The following FOXP2 variants were observed in gnomAD, a reference collection of about 807,000 sequenced individuals.
FOXP2 encodes the protein forkhead box P2.
FOXP2 carries 12 observed loss-of-function variants against 115.8 expected under a neutral mutation model. That is an observed-to-expected ratio of 0.10 (90% CI 0.07 to 0.17). FOXP2 has a LOEUF of 0.17. Among genes scored for constraint, FOXP2 ranks in the 10% least tolerant of loss-of-function variants. The pLI, the probability that FOXP2 is intolerant of heterozygous loss-of-function variation, is 1.00. For missense variants in FOXP2, 629 were observed against 843.5 expected, an observed-to-expected ratio of 0.75 and a Z score of 3.15; for synonymous variants, 328 against 297.7, an observed-to-expected ratio of 1.10 and a Z score of -1.05.
intron 1 of FOXP2, among the ~76,000 whole-genome samples, chr7:114,138,393 CT>C (rs34769199): frequency 3.8e-4 from 53 of 138,418 alleles, no homozygotes; most frequent in Middle Eastern, 3.8e-3. Flanking sequence ...TAAGCCTATT[CT>C]TTTTTTTTTT....
At position 114,212,595 on chromosome 7, in the gene FOXP2, A is replaced by G. The variant is rs1044058403; in HGVS notation, c.-102+49507A>G. 4.6e-5 allele frequency among the ~76,000 whole-genome samples: 7 copies of G among 152,198 alleles called. No individual in the cohort carries two copies. In the South Asian group the frequency reaches 1.0e-3, roughly 23 times the overall value. Reference sequence around the variant, plus strand: ...CAAGGAGTTTGACATTTAAAATTCAACTTTCAAGTGTGTTCCGATATATTT... The same window carrying G: ...CAAGGAGTTTGACATTTAAAATTCAGCTTTCAAGTGTGTTCCGATATATTT... On this transcript the variant is annotated intron_variant, in intron 1 of 17. Transcript: ENST00000634411.
chr7:114,354,198 T>G (rs1163240615), intron 2 of FOXP2, among the ~76,000 whole-genome samples: 1 of 152,094 alleles, frequency 6.6e-6, no homozygotes, highest in African/African-American at 2.4e-5. Context: ...TTCTTGGGCC[T>G]TTGTACTCAT....
intron 2 of FOXP2, among the ~76,000 whole-genome samples, chr7:114,498,592 A>T (rs1797427141): frequency 6.6e-6 from 1 of 152,228 alleles, no homozygotes; most frequent in Admixed American, 6.5e-5. Flanking sequence ...GAATATTAAC[A>T]GTCTGTTTAT....
chr7:114,169,299 A>G (rs1470527434), intron 1 of FOXP2, among the ~76,000 whole-genome samples: 1 of 152,190 alleles, frequency 6.6e-6, no homozygotes, highest in Non-Finnish European at 1.5e-5. Flanking sequence ...GTACCCTGCA[A>G]AGCCACAGGG....
chr7:114,332,113 C>T (rs2694932), intron 2 of FOXP2, among the ~76,000 whole-genome samples: 79,866 of 151,046 alleles, frequency 0.53, 22,843 homozygotes, highest in East Asian at 0.84. Flanking sequence ...GGCATATGAA[C>T]GTGTGTGTGT....
intron 1 of FOXP2, among the ~76,000 whole-genome samples, chr7:114,143,117 C>T (rs1792266848): frequency 6.7e-6 from 1 of 150,314 alleles, no homozygotes; most frequent in Non-Finnish European, 1.5e-5. Context: ...CATTTCATTC[C>T]AGCCTGGGGG....
chr7:114,135,462 G>A (rs982329125), intron 1 of FOXP2, among the ~76,000 whole-genome samples: 1 of 152,090 alleles, frequency 6.6e-6, no homozygotes, highest in African/African-American at 2.4e-5. Flanking sequence ...GTTATGAACA[G>A]TAGGTTTTAG....
At chr7:114,303,246 A>C (rs1796919267) in intron 2 of FOXP2, among the ~76,000 whole-genome samples, 1 of 152,220 alleles carries the variant, frequency 6.6e-6, no homozygotes, top group African/African-American at 2.4e-5. Context: ...GAAGGATAAA[A>C]TTGAGCTGTT....
intron 16 of FOXP2, among the ~76,000 whole-genome samples, chr7:114,671,552 A>C (rs749668310): frequency 9.9e-5 from 15 of 152,270 alleles, no homozygotes; most frequent in Non-Finnish European, 2.9e-5. Flanking sequence ...AGAACATACA[A>C]CTTCATTTGC....
rs79710067 is a variant in FOXP2 at position 114,520,746 on chromosome 7, G to A, written c.169-13871G>A. Among the ~76,000 whole-genome samples, 1,064 of 152,104 alleles carry A rather than the reference G, an allele frequency of 7.0e-3. 11 individuals carry two copies. The highest frequency in any genetic ancestry group is 0.024 in the African/African-American group (1,012 of 41,524). On this transcript the variant is annotated intron_variant, in intron 2 of 16. Coordinates refer to ENST00000350908, the MANE Select transcript of FOXP2 (RefSeq NM_014491.4). ...AAAGCAAGGTAAAATATTTTTGCCT[G>A]TTAGTTTAGAAAATACTAAAAAAAG...
chr7:114,628,467 C>G, intron 3 of FOXP2, 73 bp from the exon 4 acceptor site: 2 of 1,569,874 alleles, frequency 1.3e-6, no homozygotes, highest in Admixed American at 1.7e-5. Flanking sequence ...AGATAACATA[C>G]TATTTGTGAA....
At chr7:114,215,208 A>G (rs1256526559) in intron 1 of FOXP2, among the ~76,000 whole-genome samples, 2 of 152,152 alleles carry the variant, frequency 1.3e-5, no homozygotes, top group Non-Finnish European at 2.9e-5. Context: ...AAAGAACACA[A>G]ATACTTCTTT....
At chr7:114,679,139 A>G (rs1807939461) in intron 16 of FOXP2, among the ~76,000 whole-genome samples, 1 of 152,002 alleles carries the variant, frequency 6.6e-6, no homozygotes, top group Non-Finnish European at 1.5e-5. Flanking sequence ...TAATTTTTAT[A>G]TTTTTAGCAG....
intron 1 of FOXP2, among the ~76,000 whole-genome samples, chr7:114,256,307 A>G (rs1795611779): frequency 6.6e-6 from 1 of 152,050 alleles, no homozygotes; most frequent in Non-Finnish European, 1.5e-5. Context: ...GGGTTTCTCC[A>G]TGTTGATCAG....
At chr7:114,294,827 G>A (rs116445281) in intron 2 of FOXP2, among the ~76,000 whole-genome samples, 1 of 150,052 alleles carries the variant, frequency 6.7e-6, no homozygotes, top group South Asian at 2.1e-4. Context: ...GGCAACAGAA[G>A]GAGACACTGC....
At chr7:114,553,822 G>A (rs932343053) in intron 3 of FOXP2, among the ~76,000 whole-genome samples, 4 of 151,904 alleles carry the variant, frequency 2.6e-5, no homozygotes, top group African/African-American at 9.7e-5. Flanking sequence ...TTTTGAAAAA[G>A]GAAATATCAA....
chr7:114,435,933 A>G (rs1180825449), intron 2 of FOXP2, among the ~76,000 whole-genome samples: 1 of 152,178 alleles, frequency 6.6e-6, no homozygotes, highest in Non-Finnish European at 1.5e-5. Flanking sequence ...TTTGAAATAC[A>G]AATTTACCAT....
intron 1 of FOXP2, among the ~76,000 whole-genome samples, chr7:114,242,138 A>G (rs917359462): frequency 4.0e-5 from 6 of 151,460 alleles, no homozygotes; most frequent in Admixed American, 1.3e-4. Flanking sequence ...CTAAAAGAGA[A>G]TCATGGCAGT....
intron 16 of FOXP2, among the ~76,000 whole-genome samples, chr7:114,676,312 A>C (rs889859749): frequency 6.6e-5 from 10 of 152,144 alleles, no homozygotes; most frequent in Admixed American, 2.0e-4. Context: ...GTAAGGATCA[A>C]GACACTTTAA....
Sources: gnomAD v4.1 joint callset for allele counts (sites outside exome capture counted in the v4.1 genomes callset) on GRCh38, gnomAD v4.1.1 for gene constraint, MANE v1.5 for transcripts, NCBI Gene and HGNC (gene_info 2026-07-23, HGNC 2026-07-21) for gene names.